Variants in NEXN observed in about 807,000 individuals in gnomAD.
NEXN encodes nexilin F-actin binding protein.
In NEXN, 65 loss-of-function variants were observed where a neutral mutation model predicts 92.6. The observed-to-expected ratio is 0.70, with a 90% CI of 0.57 to 0.86. The LOEUF (loss-of-function observed/expected upper bound fraction) is 0.86. NEXN is among the 40% of genes least tolerant of loss of function. NEXN has a pLI of 0.00. For synonymous variants in NEXN, 254 were observed against 242.5 expected (o/e 1.05, Z -0.44); for missense variants, 778 against 771.1 (o/e 1.01, Z -0.11).
chr1:77,890,090 GAGAA>G (rs1264505754), intron 1 of NEXN, among the ~76,000 whole-genome samples: 1 of 152,074 alleles, frequency 6.6e-6, no homozygotes, highest in Non-Finnish European at 1.5e-5. Flanking sequence ...AATCAAATGA[GAGAA>G]AGGTTTTTTG....
chr1:77,924,880 G>A (rs918304548), intron 5 of NEXN, among the ~76,000 whole-genome samples: 7 of 152,052 alleles, frequency 4.6e-5, no homozygotes, highest in African/African-American at 1.2e-4. Flanking sequence ...AGCTGGTCTT[G>A]AACTCCTGGG....
chr1:77,938,464 C>G (rs1218097908), intron 11 of NEXN, among the ~76,000 whole-genome samples: 1 of 151,780 alleles, frequency 6.6e-6, no homozygotes, highest in East Asian at 1.9e-4. Context: ...TCCTGGCCAA[C>G]ATGGTGAAAC....
intron 1 of NEXN, among the ~76,000 whole-genome samples, chr1:77,896,341 CTTGT>C (rs980552804): frequency 3.2e-4 from 48 of 152,070 alleles, no homozygotes; most frequent in South Asian, 2.7e-3. Flanking sequence ...TTTTTATTTA[CTTGT>C]TTGTTTGTTT....
intron 1 of NEXN, among the ~76,000 whole-genome samples, chr1:77,901,474 C>A (rs923478959): frequency 1.3e-5 from 2 of 151,916 alleles, no homozygotes; most frequent in East Asian, 3.9e-4. Flanking sequence ...ATAAACAAAA[C>A]CTCTATTATA....
chr1:77,923,828 C>T (rs1649634996), intron 5 of NEXN, among the ~76,000 whole-genome samples: 1 of 151,832 alleles, frequency 6.6e-6, no homozygotes. Flanking sequence ...CAGGCGTGTG[C>T]CACCACACCC....
intron 1 of NEXN, among the ~76,000 whole-genome samples, chr1:77,906,038 T>C (rs541278658): frequency 2.6e-5 from 4 of 151,838 alleles, no homozygotes; most frequent in African/African-American, 9.7e-5. Context: ...AGGGCAAAGA[T>C]TGAAAGCTGG....
intron 1 of NEXN, among the ~76,000 whole-genome samples, chr1:77,895,026 G>GT (rs1436941852): frequency 8.8e-6 from 1 of 113,714 alleles, no homozygotes; most frequent in African/African-American, 3.5e-5. Context: ...AGCCTATAGT[G>GT]TAATTTTTTT....
At chr1:77,921,043 T>C (rs1649380234) in intron 5 of NEXN, among the ~76,000 whole-genome samples, 1 of 152,222 alleles carries the variant, frequency 6.6e-6, no homozygotes. Context: ...TCTCCAATGT[T>C]TTCTTGTTTT....
chr1:77,926,780 T>G lies in NEXN; in HGVS notation c.752T>G (p.Phe251Cys), dbSNP rs554389574. The G allele has an allele frequency of 8.1e-6, 13 of 1,613,838 alleles. No individual in the cohort carries two copies. The South Asian group carries it at 1.3e-4, about 16-fold the overall frequency. Residue 251 changes from phenylalanine (F) to cysteine (C), a missense_variant, in exon 8 of 13, where the codon TTT becomes TGT. Physicochemically the swap from Phe to Cys is radical, Grantham distance 205. Coordinates refer to ENST00000334785, the MANE Select transcript of NEXN (RefSeq NM_144573.4). ...TCTCCCGGAAAATTGAAACTAACTTTTGAAGAACTGGAGCGACAAAGACAA... is the reference window on the plus strand; with the variant it reads ...TCTCCCGGAAAATTGAAACTAACTTGTGAAGAACTGGAGCGACAAAGACAA... ...SLSPGKLKLTFEELERQRQEN... is the reference protein window; with the variant it reads ...SLSPGKLKLTCEELERQRQEN...
At chr1:77,912,211 C>G (rs1449163027) in intron 1 of NEXN, among the ~76,000 whole-genome samples, 2 of 151,714 alleles carry the variant, frequency 1.3e-5, no homozygotes, top group Non-Finnish European at 2.9e-5. Flanking sequence ...GTAGTATAAA[C>G]AACTATGAAA....
chr1:77,914,453 AAAAAC>A (rs1225418807), intron 1 of NEXN, among the ~76,000 whole-genome samples: 23 of 152,322 alleles, frequency 1.5e-4, no homozygotes, highest in African/African-American at 4.6e-4. Context: ...TCCAAAAGAA[AAAAAC>A]AAAACAAGAT....
chr1:77,913,047 T>A (rs1196481868), intron 1 of NEXN, among the ~76,000 whole-genome samples: 1 of 152,154 alleles, frequency 6.6e-6, no homozygotes, highest in Non-Finnish European at 1.5e-5. Context: ...ACATATCAGA[T>A]AAAGGACTGT....
At chr1:77,902,406 T>C (rs1647794396) in intron 1 of NEXN, among the ~76,000 whole-genome samples, 1 of 151,948 alleles carries the variant, frequency 6.6e-6, no homozygotes, top group Admixed American at 6.6e-5. Context: ...CTTTGAGTGG[T>C]TAAAGTTTTC....
chr1:77,943,537 G>A lies in NEXN; in HGVS notation c.*708G>A, dbSNP rs1651579146. 2.2e-5 allele frequency: 3 copies of A among 138,912 alleles called. No homozygotes were observed. The highest frequency in any genetic ancestry group is 6.8e-5 in the Admixed American group (1 of 14,754). The allele number at this position is 138,912 out of a possible 1,614,324, so 8.6% of individuals were successfully genotyped here. A position where few individuals can be genotyped will look rare whatever the true frequency, so the allele number is the denominator to read the frequency against. ...AAAGGACTTAAAGAATGGCTATACA[G>A]TGTTGAGTGTTGAGGATATTAAACA... is the stretch of plus-strand genomic sequence containing the variant. On this transcript the variant is annotated 3_prime_UTR_variant, in exon 13 of 13. Transcript: ENST00000334785.
chr1:77,914,458 C>A (rs1228177763), intron 1 of NEXN, among the ~76,000 whole-genome samples: 1 of 151,068 alleles, frequency 6.6e-6, no homozygotes, highest in African/African-American at 2.4e-5. Context: ...AAGAAAAAAA[C>A]AAAACAAGAT....
rs1413653003 is a variant in NEXN at position 77,899,508 on chromosome 1, C to T, written c.-53+10749C>T. 4.6e-5 allele frequency among the ~76,000 whole-genome samples: 7 copies of T among 152,088 alleles called. No homozygotes were observed. The South Asian group carries it at 6.2e-4, about 14-fold the overall frequency. On this transcript the variant is annotated intron_variant, in intron 1 of 12. Transcript: ENST00000334785. ...GAACATCACACTCCGGGGACGGTTG[C>T]GGGATGCGGGGAGAGGGGAGGGATA...
Position 77,942,596 on chromosome 1 carries a change from G to A in NEXN, c.1795G>A (p.Val599Ile). 1 of 1,613,916 alleles carries A rather than the reference G, an allele frequency of 6.2e-7. No individual in the cohort carries two copies. Among genetic ancestry groups the A allele is most frequent in the Non-Finnish European group, 8.5e-7 (1 of 1,179,826 alleles). The change falls in exon 13 of 13, where the codon GTC (valine) becomes ATC (isoleucine). Residue 599 changes from valine (V) to isoleucine (I), a missense_variant. Physicochemically the swap from Val to Ile is conservative, Grantham distance 29. Around this residue, in one of 3 missense-constraint regions of NEXN, gnomAD observed 532 missense variants for 476.7 expected, o/e 1.12. Transcript: ENST00000334785. The stretch of plus-strand genomic sequence containing the variant: ...CACATCAGTTGTAGACAGTGAGCCA[G>A]TCAGATTTACGGTTAAAGTAACAGG... ...KNTSVVDSEP[V>I]RFTVKVTGEP...
At chr1:77,927,082 G>A (rs1406590899) in intron 8 of NEXN, among the ~76,000 whole-genome samples, 190 bp downstream of exon 8, 2 of 152,040 alleles carry the variant, frequency 1.3e-5, no homozygotes, top group Non-Finnish European at 2.9e-5. Context: ...AGCACTTTGG[G>A]AGGCCAAGGT....
intron 12 of NEXN, 94 bp from the exon 13 acceptor site, chr1:77,942,367 A>C (rs1221032258): frequency 2.1e-6 from 3 of 1,451,630 alleles, no homozygotes; most frequent in Admixed American, 3.4e-5. Context: ...TATGTTCTTT[A>C]CTTAAAAAAA....
Sources: allele counts gnomAD v4.1 joint callset (sites outside exome capture counted in the v4.1 genomes callset), GRCh38; gene constraint gnomAD v4.1.1; regional missense constraint gnomAD v4.1.1; transcripts MANE v1.5; gene names NCBI Gene and HGNC (gene_info 2026-07-23, HGNC 2026-07-21).